The following UCHL3 variants were observed in gnomAD, a reference collection of about 807,000 sequenced individuals.
The protein encoded by UCHL3 is ubiquitin carboxyl-terminal hydrolase isozyme L3.
UCHL3 carries 22 observed loss-of-function variants against 35.8 expected under a neutral mutation model. That is an observed-to-expected ratio of 0.61 (90% CI 0.44 to 0.88). The LOEUF is 0.88. UCHL3 is among the 40% of genes least tolerant of loss of function. UCHL3 has a pLI of 0.00. For synonymous variants in UCHL3, 90 were observed against 92.8 expected (o/e 0.97, Z 0.17); for missense variants, 229 against 276.9 (o/e 0.83, Z 1.23).
intron 6 of UCHL3, among the ~76,000 whole-genome samples, chr13:75,570,260 CAG>C (rs1269655712): frequency 6.6e-6 from 1 of 151,384 alleles, no homozygotes; most frequent in African/African-American, 2.4e-5. Context: ...TTTTTTGAGA[CAG>C]AGTCTTGCTC....
chr13:75,595,424 C>G (rs1184782823), intron 7 of UCHL3, among the ~76,000 whole-genome samples: 1 of 151,128 alleles, frequency 6.6e-6, no homozygotes. Context: ...ATGGAGAAAC[C>G]CCATCTCTAC....
At chr13:75,578,346 T>G (rs564157192) in intron 6 of UCHL3, among the ~76,000 whole-genome samples, 1 of 152,290 alleles carries the variant, frequency 6.6e-6, no homozygotes, top group South Asian at 2.1e-4. Context: ...AGTATTCTTT[T>G]GGGTAGCTTC....
At chr13:75,605,124 G>C (rs1485037404) in intron 8 of UCHL3, among the ~76,000 whole-genome samples, 8 of 152,296 alleles carry the variant, frequency 5.3e-5, no homozygotes, top group Admixed American at 5.2e-4. Context: ...TCTTGATCCT[G>C]ATTTTAGAGA....
chr13:75,554,640 T>G (rs2031230649), intron 2 of UCHL3, among the ~76,000 whole-genome samples: 1 of 152,192 alleles, frequency 6.6e-6, no homozygotes, highest in Non-Finnish European at 1.5e-5. Flanking sequence ...AAATCTAATT[T>G]CCATATGCAC....
chr13:75,595,592 C>A (rs2032623295), intron 7 of UCHL3, among the ~76,000 whole-genome samples: 1 of 59,812 alleles, frequency 1.7e-5, no homozygotes, highest in Non-Finnish European at 2.7e-5. Flanking sequence ...AGTGATACTC[C>A]ATCTCAAAAA....
At chr13:75,603,723 A>G (rs2032846824) in intron 7 of UCHL3, among the ~76,000 whole-genome samples, 1 of 152,108 alleles carries the variant, frequency 6.6e-6, no homozygotes, top group Non-Finnish European at 1.5e-5. Flanking sequence ...AATATACATT[A>G]TAATTTAGAA....
At chr13:75,592,442 A>G (rs1321229368) in intron 6 of UCHL3, among the ~76,000 whole-genome samples, 18 of 112,512 alleles carry the variant, frequency 1.6e-4, no homozygotes, top group Non-Finnish European at 3.1e-4. Context: ...ATATATATAT[A>G]TATATATATA....
intron 3 of UCHL3, among the ~76,000 whole-genome samples, chr13:75,565,219 C>T (rs573866580): frequency 6.6e-6 from 1 of 151,678 alleles, no homozygotes; most frequent in Non-Finnish European, 1.5e-5. Context: ...TCTTATTTTG[C>T]TTTGTCATCA....
At chr13:75,566,274 T>C (rs1426321347) in intron 3 of UCHL3, among the ~76,000 whole-genome samples, 2 of 152,192 alleles carry the variant, frequency 1.3e-5, no homozygotes, top group East Asian at 1.9e-4. Flanking sequence ...AAGTTCTAAA[T>C]CAGAATATGT....
intron 6 of UCHL3, among the ~76,000 whole-genome samples, chr13:75,588,363 C>G (rs56383676): frequency 0.053 from 8,018 of 152,024 alleles, 698 homozygotes; most frequent in African/African-American, 0.18. Context: ...TTTATTTCCC[C>G]TTTTTATTCA....
chr13:75,579,455 G>A (rs967497274), intron 6 of UCHL3, among the ~76,000 whole-genome samples: 12 of 151,814 alleles, frequency 7.9e-5, no homozygotes, highest in African/African-American at 1.9e-4. Flanking sequence ...TCCCTAGCTT[G>A]TCTCTGTCTC....
Position 75,592,172 on chromosome 13 carries a change from T to A in UCHL3, c.475-2743T>A, listed in dbSNP as rs183301636. 2.8e-3 allele frequency among the ~76,000 whole-genome samples: 425 copies of A among 151,616 alleles called. 3 individuals are homozygous for A. Among genetic ancestry groups the A allele is most frequent in the African/African-American group, 9.7e-3 (400 of 41,408 alleles). ...AGTATTTAATTTATATCTAATTGAT[T>A]TGTTATCACTTTTTAATTCTTTGAG... On this transcript the variant is annotated intron_variant, in intron 6 of 8. Transcript: ENST00000377595.
chr13:75,581,694 AT>A (rs35365245), intron 6 of UCHL3, among the ~76,000 whole-genome samples: 67,245 of 139,248 alleles, frequency 0.48, 16,103 homozygotes, highest in East Asian at 0.61. Flanking sequence ...GCTTTGTTTG[AT>A]TTTTTTTTTT....
At chr13:75,590,202 C>G in intron 6 of UCHL3, 4 of 1,196,836 alleles carry the variant, frequency 3.3e-6, no homozygotes, top group Non-Finnish European at 4.2e-6. Context: ...TTCTTAACTT[C>G]GGTCTTCAGA....
At chr13:75,572,166 A>G (rs754439043) in intron 6 of UCHL3, among the ~76,000 whole-genome samples, 1 of 151,752 alleles carries the variant, frequency 6.6e-6, no homozygotes, top group Non-Finnish European at 1.5e-5. Context: ...TCTCTTTCTG[A>G]AAATATTCTT....
chr13:75,578,902 C>T (rs2032102400), intron 6 of UCHL3, among the ~76,000 whole-genome samples: 1 of 151,998 alleles, frequency 6.6e-6, no homozygotes, highest in Non-Finnish European at 1.5e-5. Flanking sequence ...AGAAAATCCT[C>T]TGTTTAGAAT....
At chr13:75,592,256 G>A (rs1403221141) in intron 6 of UCHL3, among the ~76,000 whole-genome samples, 1 of 150,184 alleles carries the variant, frequency 6.7e-6, no homozygotes, top group South Asian at 2.1e-4. Context: ...TAATTGATTG[G>A]AAGTCAATGG....
At chr13:75,555,487 A>C (rs552733006) in intron 2 of UCHL3, among the ~76,000 whole-genome samples, 2 of 152,186 alleles carry the variant, frequency 1.3e-5, no homozygotes, top group Admixed American at 6.5e-5. Context: ...CAGATGGAAG[A>C]ATGAATAGAT....
intron 6 of UCHL3, among the ~76,000 whole-genome samples, chr13:75,585,850 C>T (rs2032308585): frequency 6.6e-6 from 1 of 151,854 alleles, no homozygotes; most frequent in Non-Finnish European, 1.5e-5. Context: ...CTTGTAAATC[C>T]TCAGGCAATT....
Sources: allele counts gnomAD v4.1 joint callset (sites outside exome capture counted in the v4.1 genomes callset), GRCh38; gene constraint gnomAD v4.1.1; transcripts MANE v1.5; gene names NCBI Gene and HGNC (gene_info 2026-07-23, HGNC 2026-07-21).